Variants in DLC1 observed in about 807,000 individuals in gnomAD.
DLC1 encodes the protein rho GTPase-activating protein 7.
Under a neutral mutation model 140.3 loss-of-function variants are expected in DLC1, and 54 were observed. The observed-to-expected ratio is 0.38, with a 90% CI of 0.31 to 0.48. The LOEUF (loss-of-function observed/expected upper bound fraction) is 0.48. DLC1 is among the 20% of genes least tolerant of loss of function. The pLI is 0.96. For synonymous variants in DLC1, 986 were observed against 728.1 expected, an observed-to-expected ratio of 1.35 and a Z score of -5.70; for missense variants, 2,536 against 1,907.0, an observed-to-expected ratio of 1.33 and a Z score of -6.14.
chr8:13,256,671 A>T (rs1830241005), intron 5 of DLC1, among the ~76,000 whole-genome samples: 1 of 152,142 alleles, frequency 6.6e-6, no homozygotes, highest in South Asian at 2.1e-4. Context: ...GGAGTTGAAC[A>T]ATGAGAACAC....
chr8:13,143,848 G>T (rs111327534), intron 5 of DLC1, among the ~76,000 whole-genome samples: 3 of 147,714 alleles, frequency 2.0e-5, no homozygotes, highest in Non-Finnish European at 4.5e-5. Context: ...GAGAGAGAGA[G>T]AGAGACATAG....
chr8:13,257,546 C>A (rs573470053), intron 5 of DLC1, among the ~76,000 whole-genome samples: 176 of 151,630 alleles, frequency 1.2e-3, no homozygotes, highest in African/African-American at 4.2e-3. Context: ...CTATTTTATA[C>A]GTGTCAGTCA....
intron 4 of DLC1, among the ~76,000 whole-genome samples, chr8:13,336,206 C>G (rs1016023064): frequency 1.3e-5 from 2 of 151,966 alleles, no homozygotes; most frequent in African/African-American, 4.8e-5. Context: ...TTGCTCAAGT[C>G]TAGGAAAGTA....
intron 1 of DLC1, among the ~76,000 whole-genome samples, chr8:13,549,102 T>C (rs1041315336): frequency 1.1e-4 from 17 of 152,066 alleles, no homozygotes; most frequent in African/African-American, 4.1e-4. Flanking sequence ...TACAGATGAC[T>C]TATTTTCTTA....
intron 1 of DLC1, among the ~76,000 whole-genome samples, chr8:13,577,393 T>C (rs764363082): frequency 6.6e-6 from 1 of 152,182 alleles, no homozygotes; most frequent in Non-Finnish European, 1.5e-5. Context: ...ATGGGTTATA[T>C]GATTATGAAG....
chr8:13,130,952 C>T (rs137885218), intron 5 of DLC1, among the ~76,000 whole-genome samples: 28 of 152,328 alleles, frequency 1.8e-4, no homozygotes, highest in Non-Finnish European at 3.4e-4. Context: ...TATGCATCTG[C>T]GCTCAGGCCA....
chr8:13,462,986 T>G (rs1248642295), intron 2 of DLC1, among the ~76,000 whole-genome samples: 2 of 152,158 alleles, frequency 1.3e-5, no homozygotes, highest in Admixed American at 6.6e-5. Context: ...TAACTGGCCT[T>G]AAAACTTTGG....
At chr8:13,523,979 A>C (rs1482732105) in intron 1 of DLC1, among the ~76,000 whole-genome samples, 2 of 151,706 alleles carry the variant, frequency 1.3e-5, no homozygotes, top group Non-Finnish European at 2.9e-5. Context: ...AGGGGATGGG[A>C]TCTAATGCAA....
intron 2 of DLC1, among the ~76,000 whole-genome samples, chr8:13,468,339 T>TTCCCCTCCCC (rs769649730): frequency 3.3e-5 from 2 of 59,926 alleles, no homozygotes; most frequent in African/African-American, 1.1e-4. Context: ...CTTCCCCCCA[T>TTCCCCTCCCC]TCCCCTCCCC....
Position 13,101,264 on chromosome 8 carries a change from G to C in DLC1, c.1567-494C>G, listed in dbSNP as rs1210724175. Among the ~76,000 whole-genome samples the C allele has an allele frequency of 2.0e-5, 3 of 152,156 alleles. No homozygotes were observed. The South Asian group carries it at 6.2e-4, about 32-fold the overall frequency. On this transcript the variant is annotated intron_variant, in intron 8 of 17. Coordinates refer to ENST00000276297, the MANE Select transcript of DLC1 (RefSeq NM_182643.3). ...TGTATTTAAAGAATTTAACAGGAGAGTGCCTGACCAAATGTTGCAAGTTAA... is the reference window on the plus strand; with the variant it reads ...TGTATTTAAAGAATTTAACAGGAGACTGCCTGACCAAATGTTGCAAGTTAA...
chr8:13,458,235 A>G (rs1009324277), intron 2 of DLC1, among the ~76,000 whole-genome samples: 1 of 152,188 alleles, frequency 6.6e-6, no homozygotes, highest in African/African-American at 2.4e-5. Context: ...TATGTTTATT[A>G]CCATTAGTTG....
chr8:13,581,453 A>G (rs1205079733), intron 1 of DLC1, among the ~76,000 whole-genome samples: 1 of 152,220 alleles, frequency 6.6e-6, no homozygotes, highest in Admixed American at 6.5e-5. Context: ...AGTCAAGGCA[A>G]CAATCTTGGT....
intron 2 of DLC1, among the ~76,000 whole-genome samples, chr8:13,456,861 C>T (rs376204611): frequency 2.0e-5 from 3 of 152,152 alleles, no homozygotes; most frequent in South Asian, 2.1e-4. Flanking sequence ...GTACTCTTTC[C>T]AGGTGCTGAC....
intron 1 of DLC1, among the ~76,000 whole-genome samples, chr8:13,551,897 C>CAT (rs3066463): frequency 0.13 from 18,444 of 137,660 alleles, 1,441 homozygotes; most frequent in Admixed American, 0.24. Context: ...GGTATATATA[C>CAT]ATATATATAT....
intron 2 of DLC1, among the ~76,000 whole-genome samples, chr8:13,477,544 C>G (rs1188976087): frequency 6.6e-6 from 1 of 152,154 alleles, no homozygotes; most frequent in Non-Finnish European, 1.5e-5. Context: ...TGATAAAAAA[C>G]CAAGACATAG....
Position 13,100,657 on chromosome 8 carries a change from T to A in DLC1, c.1680A>T (p.Gln560His), listed in dbSNP as rs769442790. Residue 560 changes from glutamine to histidine, a missense_variant, in exon 9 of 18, where the codon CAA becomes CAT. Gln to His is a conservative substitution (Grantham distance 24). Transcript: ENST00000276297. ...CGTCTGGGGACCCAGGGACCAGGTCTTGTTTTGGAGAAAAGACATCAAACT... is the reference window on the plus strand; with the variant it reads ...CGTCTGGGGACCCAGGGACCAGGTCATGTTTTGGAGAAAAGACATCAAACT... Reference protein sequence around the residue: ...LEEFDVFSPKQDLVPGSPDDS... With the variant: ...LEEFDVFSPKHDLVPGSPDDS... 4 of 1,614,162 alleles carry A rather than the reference T, an allele frequency of 2.5e-6. No individual in the cohort carries two copies. The highest frequency in any genetic ancestry group is 1.1e-5 in the South Asian group (1 of 91,080).
chr8:13,091,448 A>T lies in DLC1; in HGVS notation c.3741-16T>A. The T allele has an allele frequency of 2.5e-6, 4 of 1,600,674 alleles. No homozygotes were observed. Among genetic ancestry groups the T allele is most frequent in the Non-Finnish European group, 3.4e-6 (4 of 1,168,380 alleles). On this transcript the variant is annotated splice_polypyrimidine_tract_variant and intron_variant, in intron 13 of 17. Transcript: ENST00000276297. ...TTGCATTACCCTAGGTAGAAGAAAT[A>T]CAGGAGGGGAACAGTTCAAATATTT... is the stretch of plus-strand genomic sequence containing the variant.
intron 5 of DLC1, among the ~76,000 whole-genome samples, chr8:13,170,492 G>A (rs571244364): frequency 0.017 from 2,609 of 152,142 alleles, 67 homozygotes; most frequent in African/African-American, 0.058. Context: ...GCACTTTGCG[G>A]GGCCAAGGTG....
chr8:13,445,700 A>T (rs1301106424), intron 2 of DLC1, among the ~76,000 whole-genome samples: 1 of 152,184 alleles, frequency 6.6e-6, no homozygotes, highest in East Asian at 1.9e-4. Context: ...GAGTGATATC[A>T]TCCTACCCTG....
Sources: allele counts gnomAD v4.1 joint callset (sites outside exome capture counted in the v4.1 genomes callset), GRCh38; gene constraint gnomAD v4.1.1; transcripts MANE v1.5; gene names NCBI Gene and HGNC (gene_info 2026-07-23, HGNC 2026-07-21).